FYB1: variants seen among roughly 807,000 people sequenced by gnomAD.
FYB1 encodes FYN binding protein 1.
Under a neutral mutation model 94.1 loss-of-function variants are expected in FYB1, and 41 were observed. The observed-to-expected ratio is 0.44, with a 90% CI of 0.34 to 0.57. The LOEUF (loss-of-function observed/expected upper bound fraction) is 0.57, where lower values mean the gene tolerates loss of function less well. Among genes scored for constraint, FYB1 ranks in the 20% least tolerant of loss-of-function variants. The probability of loss-of-function intolerance (pLI) is 0.02; values close to 1 mark genes in which losing one functional copy is unlikely to be tolerated. For synonymous variants in FYB1, 367 were observed against 353.2 expected (o/e 1.04, Z -0.44); for missense variants, 1,050 against 976.8 (o/e 1.07, Z -1.00).
chr5:39,139,979 T>A (rs1580364838), intron 4 of FYB1: 1 of 152,288 alleles, frequency 6.6e-6, no homozygotes, highest in East Asian at 1.9e-4. Context: ...ATGAGGCAAT[T>A]CTGGATTTCT....
upstream of FYB1, among the ~76,000 whole-genome samples, chr5:39,221,805 T>C (rs1006177022): frequency 6.6e-6 from 1 of 152,108 alleles, no homozygotes; most frequent in Non-Finnish European, 1.5e-5. Context: ...GAGACTAGCT[T>C]GGCCAGCATG....
chr5:39,229,821 TA>T (rs1750640206), intron 1 of FYB1, among the ~76,000 whole-genome samples: 1 of 152,186 alleles, frequency 6.6e-6, no homozygotes, highest in South Asian at 2.1e-4. Flanking sequence ...TCCACTTCGT[TA>T]AATACACCCA....
intron 17 of FYB1, among the ~76,000 whole-genome samples, chr5:39,109,740 T>A (rs1264797326): frequency 1.3e-5 from 2 of 152,116 alleles, no homozygotes. Flanking sequence ...ACTGGGTTAC[T>A]TGGGACAGAA....
intron 6 of FYB1, 183 bp downstream of exon 6, chr5:39,138,474 T>C (rs950937575): frequency 8.4e-6 from 4 of 476,260 alleles, no homozygotes; most frequent in Middle Eastern, 1.2e-3. Context: ...CAGAGTCCTT[T>C]GTAGAATTCT....
chr5:39,144,801 CA>C (rs975497575), intron 3 of FYB1, among the ~76,000 whole-genome samples: 1 of 149,796 alleles, frequency 6.7e-6, no homozygotes, highest in Non-Finnish European at 1.5e-5. Context: ...AACTGTGTCT[CA>C]AAAAAAAACC....
intron 2 of FYB1, among the ~76,000 whole-genome samples, chr5:39,184,939 A>G (rs1403671787): frequency 6.6e-6 from 1 of 152,202 alleles, no homozygotes; most frequent in Non-Finnish European, 1.5e-5. Context: ...TATGCCATGG[A>G]CATCCTTCAG....
chr5:39,175,663 CAGT>C (rs1372402252), intron 2 of FYB1, among the ~76,000 whole-genome samples: 1 of 152,168 alleles, frequency 6.6e-6, no homozygotes, highest in Non-Finnish European at 1.5e-5. Context: ...CCTAACTACC[CAGT>C]ATTCTTCCTG....
At chr5:39,145,005 T>G (rs1030896251) in intron 3 of FYB1, among the ~76,000 whole-genome samples, 1 of 152,162 alleles carries the variant, frequency 6.6e-6, no homozygotes, top group Non-Finnish European at 1.5e-5. Context: ...TAGATGAAAT[T>G]ATATGATGTT....
chr5:39,257,945 T>C (rs1752035336), intron 1 of FYB1, among the ~76,000 whole-genome samples: 1 of 152,156 alleles, frequency 6.6e-6, no homozygotes, highest in Non-Finnish European at 1.5e-5. Flanking sequence ...ATCCAAAGCG[T>C]CTTTAGCTGT....
intron 1 of FYB1, among the ~76,000 whole-genome samples, chr5:39,245,214 A>G (rs1268572181): frequency 6.6e-6 from 1 of 152,178 alleles, no homozygotes; most frequent in Non-Finnish European, 1.5e-5. Flanking sequence ...TACTTTTCTT[A>G]TCTGTATAGC....
rs577077388 is a variant in FYB1, at chr5:39,244,792, C to T, written c.-28+29611G>A. 1.6e-3 allele frequency among the ~76,000 whole-genome samples: 250 copies of T among 152,214 alleles called. 3 individuals are homozygous for T. The highest frequency in any genetic ancestry group is 0.014 in the Middle Eastern group (4 of 294). Reference sequence around the variant, plus strand: ...TCCTGGACTTTTTTTGGTTGGTAGGCTATTAATTATTGCCTCAATTTCAGA... The same window carrying T: ...TCCTGGACTTTTTTTGGTTGGTAGGTTATTAATTATTGCCTCAATTTCAGA... On this transcript the variant is annotated intron_variant, in intron 1 of 1. Transcript: ENST00000510188.
rs696753 is a variant in FYB1, at chr5:39,270,584, G to T, written c.-28+3819C>A. The T allele has an allele frequency of 3.2e-3, 4,980 of 1,535,060 alleles. 147 individuals are homozygous for T. In the African/African-American group the frequency reaches 0.062, roughly 19 times the overall value. On this transcript the variant is annotated intron_variant, in intron 1 of 1. Transcript: ENST00000510188. ...TATTACTTACCATTTTTATTGAAAA[G>T]AGTTGATATGCCTGGCACACAATGA... is the stretch of plus-strand genomic sequence containing the variant.
At chr5:39,134,121 T>G (rs918199770) in intron 9 of FYB1, 87 bp downstream of exon 9, 3 of 991,010 alleles carry the variant, frequency 3.0e-6, no homozygotes, top group Non-Finnish European at 4.5e-6. Flanking sequence ...GTAGGAGTTA[T>G]GGAGGGTAAA....
intron 1 of FYB1, among the ~76,000 whole-genome samples, chr5:39,206,880 T>G (rs696127): frequency 0.027 from 4,177 of 152,222 alleles, 168 homozygotes; most frequent in African/African-American, 0.096. Context: ...CTCTGCACCT[T>G]GCCTTTTTCT....
At chr5:39,178,025 T>C (rs1285641654) in intron 2 of FYB1, among the ~76,000 whole-genome samples, 1 of 152,202 alleles carries the variant, frequency 6.6e-6, no homozygotes, top group Admixed American at 6.5e-5. Context: ...TGAACTAAAA[T>C]TGTAAGTATT....
At chr5:39,120,816 A>T (rs768143423) in intron 14 of FYB1, among the ~76,000 whole-genome samples, 2 of 152,126 alleles carry the variant, frequency 1.3e-5, no homozygotes, top group Non-Finnish European at 2.9e-5. Flanking sequence ...TGTGGAGAGA[A>T]TTAGCACAAT....
At chr5:39,133,134 A>G (rs983935606) in intron 9 of FYB1, among the ~76,000 whole-genome samples, 1 of 152,220 alleles carries the variant, frequency 6.6e-6, no homozygotes, top group African/African-American at 2.4e-5. Context: ...TAAGAGGAAA[A>G]TTTAATTCTT....
chr5:39,248,292 T>C (rs1041725066), intron 1 of FYB1, among the ~76,000 whole-genome samples: 3 of 152,156 alleles, frequency 2.0e-5, no homozygotes, highest in African/African-American at 7.2e-5. Context: ...AGGGACTGGT[T>C]GGTGGAGACA....
chr5:39,221,191 G>A (rs1240595078), upstream of FYB1, among the ~76,000 whole-genome samples: 2 of 152,092 alleles, frequency 1.3e-5, no homozygotes, highest in Non-Finnish European at 2.9e-5. Context: ...CTAAAAGAGG[G>A]CCCCATCATG....
Sources: allele counts gnomAD v4.1 joint callset (sites outside exome capture counted in the v4.1 genomes callset), GRCh38; gene constraint gnomAD v4.1.1; transcripts MANE v1.5; gene names NCBI Gene and HGNC (gene_info 2026-07-23, HGNC 2026-07-21).